Variants in NGEF observed in about 807,000 individuals in gnomAD.
The protein encoded by NGEF is neuronal guanine nucleotide exchange factor, also known as ephexin-1.
In NGEF, 31 loss-of-function variants were observed where a neutral mutation model predicts 80.9. That is an observed-to-expected ratio of 0.38 (90% CI 0.29 to 0.52). NGEF has a LOEUF of 0.52. Ranked by LOEUF, NGEF falls within the 20% of genes least tolerant of loss-of-function variation. NGEF has a pLI of 0.84. For missense variants in NGEF, 709 were observed against 926.2 expected (o/e 0.77, Z 3.04); for synonymous variants, 371 against 370.2 (o/e 1.00, Z -0.03).
At chr2:232,945,506 G>A (rs1420325720) in intron 3 of NGEF, among the ~76,000 whole-genome samples, 1 of 121,538 alleles carries the variant, frequency 8.2e-6, no homozygotes, top group Non-Finnish European at 1.8e-5. Context: ...CAGACACAGA[G>A]AAAGGAGAAT....
At chr2:232,988,080 T>A (rs545147235) in intron 1 of NGEF, among the ~76,000 whole-genome samples, 43 of 148,544 alleles carry the variant, frequency 2.9e-4, no homozygotes, top group African/African-American at 1.0e-3. Context: ...TGTGTGTGTG[T>A]GTGAGTGACA....
Position 232,980,680 on chromosome 2 carries a change from A to T in NGEF, c.-74-5716T>A, listed in dbSNP as rs2106327606. Among the ~76,000 whole-genome samples the T allele has an allele frequency of 3.9e-5, 6 of 152,050 alleles. No homozygotes were observed. The South Asian group carries it at 1.2e-3, about 32-fold the overall frequency. ...TGCCTGGCTACGTTTTTCTTTTTAA[A>T]TAGAGGCAGGGTTTCACCATGTTGG... On this transcript the variant is annotated intron_variant, in intron 1 of 14. Coordinates refer to ENST00000264051, the MANE Select transcript of NGEF (RefSeq NM_019850.3).
intron 3 of NGEF, among the ~76,000 whole-genome samples, chr2:232,927,652 C>T (rs1446781491): frequency 1.3e-5 from 2 of 152,028 alleles, no homozygotes; most frequent in Non-Finnish European, 2.9e-5. Flanking sequence ...GCGCCCAGGA[C>T]GAGGGCGCTG....
intron 9 of NGEF, among the ~76,000 whole-genome samples, chr2:232,886,444 G>A (rs958958356): frequency 6.6e-6 from 1 of 152,220 alleles, no homozygotes; most frequent in African/African-American, 2.4e-5. Flanking sequence ...CCCTGCGAGT[G>A]TGCTGTGCAC....
intron 3 of NGEF, among the ~76,000 whole-genome samples, chr2:232,960,305 G>A (rs1402119857): frequency 6.6e-6 from 1 of 152,216 alleles, no homozygotes; most frequent in Admixed American, 6.5e-5. Flanking sequence ...CTAGAACCCT[G>A]ATTCATGACC....
chr2:232,996,920 T>C (rs1694862686), intron 1 of NGEF, among the ~76,000 whole-genome samples: 1 of 152,226 alleles, frequency 6.6e-6, no homozygotes, highest in Non-Finnish European at 1.5e-5. Context: ...AGGAGAACTT[T>C]ATTGCCACTT....
intron 1 of NGEF, among the ~76,000 whole-genome samples, chr2:233,004,210 C>T (rs1343833637): frequency 1.3e-5 from 2 of 152,250 alleles, no homozygotes; most frequent in Admixed American, 6.5e-5. Context: ...TCTCCAGCAG[C>T]CCCTGACCCT....
chr2:232,905,544 C>G, intron 5 of NGEF: 1 of 279,010 alleles, frequency 3.6e-6, no homozygotes, highest in South Asian at 2.8e-5. Context: ...AAGTGAGGAG[C>G]GTCTCTGCCT....
At chr2:232,964,844 T>C (rs935243530) in intron 3 of NGEF, among the ~76,000 whole-genome samples, 2 of 152,138 alleles carry the variant, frequency 1.3e-5, no homozygotes, top group Non-Finnish European at 2.9e-5. Flanking sequence ...AATCTGATGG[T>C]GATAGATGTT....
At chr2:232,960,650 G>A (rs576032141) in intron 3 of NGEF, among the ~76,000 whole-genome samples, 5 of 152,256 alleles carry the variant, frequency 3.3e-5, no homozygotes, top group African/African-American at 9.6e-5. Flanking sequence ...AGGCTGAGGC[G>A]GGTGGATCAC....
intron 1 of NGEF, among the ~76,000 whole-genome samples, chr2:232,992,248 C>T (rs751319528): frequency 6.6e-5 from 10 of 152,030 alleles, no homozygotes; most frequent in Non-Finnish European, 1.3e-4. Flanking sequence ...TTTATGCTTC[C>T]AAGTGCACCA....
chr2:232,885,669 G>A (rs1047703151), intron 9 of NGEF: 3 of 354,956 alleles, frequency 8.5e-6, no homozygotes, highest in South Asian at 2.9e-5. Context: ...TAGGCTGGAC[G>A]GACCGGCAGG....
intron 3 of NGEF, among the ~76,000 whole-genome samples, chr2:232,944,286 C>A (rs1402387814): frequency 6.6e-6 from 1 of 152,122 alleles, no homozygotes; most frequent in Non-Finnish European, 1.5e-5. Flanking sequence ...AGTGCATTTA[C>A]CCTTCCACCC....
At chr2:232,880,439 C>A (rs1266256746) in intron 14 of NGEF, among the ~76,000 whole-genome samples, 3 of 152,174 alleles carry the variant, frequency 2.0e-5, no homozygotes, top group African/African-American at 4.8e-5. Context: ...AGCCCCTGGG[C>A]CTTTGGGAAC....
intron 5 of NGEF, among the ~76,000 whole-genome samples, chr2:232,917,805 GCT>G (rs1692840991): frequency 6.6e-6 from 1 of 152,020 alleles, no homozygotes; most frequent in Non-Finnish European, 1.5e-5. Context: ...ACAGAGTCTT[GCT>G]CTGTCACCCA....
chr2:232,930,326 C>CTCTT (rs578212048), intron 3 of NGEF, among the ~76,000 whole-genome samples: 4 of 144,490 alleles, frequency 2.8e-5, no homozygotes, highest in African/African-American at 5.1e-5. Context: ...CTCTCTCTCT[C>CTCTT]TTTTTTTTTT....
chr2:232,910,809 C>T (rs1388936503), intron 5 of NGEF, among the ~76,000 whole-genome samples: 1 of 152,198 alleles, frequency 6.6e-6, no homozygotes, highest in Admixed American at 6.5e-5. Flanking sequence ...GGTGAAGTAT[C>T]TATTTAAGTC....
chr2:232,929,378 GC>G (rs1169950029), intron 3 of NGEF, among the ~76,000 whole-genome samples: 1 of 152,218 alleles, frequency 6.6e-6, no homozygotes, highest in African/African-American at 2.4e-5. Context: ...GAAGCATTAA[GC>G]TTTTTGCCTG....
intron 3 of NGEF, 117 bp from the exon 4 acceptor site, chr2:232,927,303 C>G: frequency 6.2e-6 from 7 of 1,124,818 alleles, no homozygotes; most frequent in Admixed American, 3.2e-5. Flanking sequence ...TACCCGGGAC[C>G]GTCCAGGGGC....
Sources: allele counts gnomAD v4.1 joint callset (sites outside exome capture counted in the v4.1 genomes callset), GRCh38; gene constraint gnomAD v4.1.1; transcripts MANE v1.5; gene names NCBI Gene and HGNC (gene_info 2026-07-23, HGNC 2026-07-21).